AGAP1: variants seen among roughly 807,000 people sequenced by gnomAD.
The protein encoded by AGAP1 is arf-GAP with GTPase, ANK repeat and PH domain-containing protein 1.
In AGAP1, 29 loss-of-function variants were observed where a neutral mutation model predicts 105.3. The ratio of observed to expected loss-of-function variants is 0.28; its 90% CI spans 0.21 to 0.38. The LOEUF is 0.38. AGAP1 is among the 10% of genes least tolerant of loss of function. The pLI, the probability that AGAP1 is intolerant of heterozygous loss-of-function variation, is 1.00. For missense variants in AGAP1, 998 were observed against 1,165.1 expected, an observed-to-expected ratio of 0.86 and a Z score of 2.09; for synonymous variants, 509 against 485.9, an observed-to-expected ratio of 1.05 and a Z score of -0.63.
At chr2:235,802,166 G>A (rs1957525282) in intron 8 of AGAP1, among the ~76,000 whole-genome samples, 2 of 152,154 alleles carry the variant, frequency 1.3e-5, no homozygotes, top group African/African-American at 4.8e-5. Flanking sequence ...CCATGTTCAA[G>A]GGAAAGCGAT....
intron 9 of AGAP1, among the ~76,000 whole-genome samples, chr2:235,857,154 G>A (rs920933372): frequency 3.9e-5 from 6 of 152,148 alleles, no homozygotes; most frequent in African/African-American, 7.2e-5. Flanking sequence ...AGAGGTGAGC[G>A]GCGAGTGAGT....
intron 1 of AGAP1, among the ~76,000 whole-genome samples, chr2:235,530,094 A>C (rs1942989982): frequency 6.6e-6 from 1 of 152,130 alleles, no homozygotes; most frequent in Admixed American, 6.5e-5. Context: ...CCCAAAACTG[A>C]CAAGTCTCGT....
rs529604133 is a variant in AGAP1 at position 235,992,883 on chromosome 2, G to A, written c.1645+24260G>A. On this transcript the variant is annotated intron_variant, in intron 13 of 17. Transcript: ENST00000304032. This position sits in a 1 kb window ranked among gnomAD's most constrained non-coding sequence, Gnocchi z 4.8. ...GTTGAGCTTGTGTTGGCCTCTTTCC[G>A]TCGTGAACCATGGACGTCTCTCCTT... 7.2e-5 allele frequency among the ~76,000 whole-genome samples: 11 copies of A among 152,180 alleles called. 1 individual carries two copies. The highest frequency in any genetic ancestry group is 4.2e-4 in the South Asian group (2 of 4,814).
rs1247536353 is a variant in AGAP1, at chr2:235,591,047, G to A, written c.163+96198G>A. On this transcript the variant is annotated intron_variant, in intron 1 of 17. Transcript: ENST00000304032. ...ATTTTTAATTTTTTGAGACAGTCTCGCTCTGTTGCCCAGGCTGGAGTGCAG... is the reference window on the plus strand; with the variant it reads ...ATTTTTAATTTTTTGAGACAGTCTCACTCTGTTGCCCAGGCTGGAGTGCAG... Among the ~76,000 whole-genome samples, 44 of 151,582 alleles carry A rather than the reference G, an allele frequency of 2.9e-4. 1 individual carries two copies. The highest frequency in any genetic ancestry group is 2.8e-3 in the Admixed American group (42 of 15,208).
At chr2:235,516,867 C>T (rs568685827) in intron 1 of AGAP1, among the ~76,000 whole-genome samples, 2 of 152,200 alleles carry the variant, frequency 1.3e-5, no homozygotes, top group Non-Finnish European at 2.9e-5. Flanking sequence ...ACTGAACTTT[C>T]TTCTTTGGTT....
intron 1 of AGAP1, among the ~76,000 whole-genome samples, chr2:235,629,349 C>G (rs1238423400): frequency 6.7e-6 from 1 of 149,524 alleles, no homozygotes; most frequent in Non-Finnish European, 1.5e-5. Context: ...TCTTTATCCA[C>G]TTGTTGATTG....
At position 236,078,104 on chromosome 2, in the gene AGAP1, G is replaced by T. The variant is rs2058690159; in HGVS notation, c.2114+28823G>T. On this transcript the variant is annotated intron_variant, in intron 16 of 17. Coordinates refer to ENST00000304032, the MANE Select transcript of AGAP1 (RefSeq NM_001037131.3). This position sits in a 1 kb window ranked among gnomAD's most constrained non-coding sequence, Gnocchi z 5.3. ...TGAAGTGTGTAGGGCAGGCCAGCTG[G>T]TGTGTGTGTGCATGTGTGTAATCTG... Among the ~76,000 whole-genome samples the T allele has an allele frequency of 6.6e-6, 1 of 150,448 alleles. No homozygotes were observed. The highest frequency in any genetic ancestry group is 6.7e-5 in the Admixed American group (1 of 15,036).
chr2:235,685,306 G>T (rs532969971), intron 1 of AGAP1, among the ~76,000 whole-genome samples: 10 of 152,020 alleles, frequency 6.6e-5, no homozygotes, highest in Middle Eastern at 3.4e-3. Flanking sequence ...ACTCTTGGCA[G>T]TGCAGGCCTC....
chr2:235,650,380 T>C (rs1012227485), intron 1 of AGAP1, among the ~76,000 whole-genome samples: 1 of 150,258 alleles, frequency 6.7e-6, no homozygotes, highest in African/African-American at 2.5e-5. Flanking sequence ...TTCATTCATT[T>C]GTTTATTCAT....
intron 1 of AGAP1, among the ~76,000 whole-genome samples, chr2:235,605,910 C>A (rs566954426): frequency 6.6e-6 from 1 of 152,322 alleles, no homozygotes; most frequent in African/African-American, 2.4e-5. Flanking sequence ...GAACAGCACT[C>A]CGGTTGCTTA....
At chr2:235,496,430 G>T (rs967906581) in intron 1 of AGAP1, among the ~76,000 whole-genome samples, 9 of 152,212 alleles carry the variant, frequency 5.9e-5, no homozygotes, top group African/African-American at 1.9e-4. Flanking sequence ...ATGATCAGGT[G>T]GTGTTGCAGC....
intron 1 of AGAP1, chr2:235,506,975 G>C (rs1941845095): frequency 6.5e-6 from 1 of 153,032 alleles, no homozygotes; most frequent in Admixed American, 6.5e-5. Context: ...GAGGGAGCTG[G>C]AGTGGCCGCT....
At chr2:235,833,470 T>C (rs1448979342) in intron 9 of AGAP1, among the ~76,000 whole-genome samples, 1 of 152,132 alleles carries the variant, frequency 6.6e-6, no homozygotes, top group Non-Finnish European at 1.5e-5. Context: ...GTTCACTCTC[T>C]CTGAAACACC....
At chr2:235,986,934 T>C (rs936013120) in intron 13 of AGAP1, among the ~76,000 whole-genome samples, 3 of 152,140 alleles carry the variant, frequency 2.0e-5, no homozygotes, top group African/African-American at 7.2e-5. Flanking sequence ...TGAAGTTTTC[T>C]TTTTTTGTTG....
intron 1 of AGAP1, among the ~76,000 whole-genome samples, chr2:235,618,788 TAAC>T (rs1350948377): frequency 6.6e-6 from 1 of 152,180 alleles, no homozygotes; most frequent in Non-Finnish European, 1.5e-5. Flanking sequence ...GTAGACGTAA[TAAC>T]GGCCCCCAAA....
intron 1 of AGAP1, among the ~76,000 whole-genome samples, chr2:235,597,063 T>C (rs918452279): frequency 6.6e-6 from 1 of 152,186 alleles, no homozygotes; most frequent in Non-Finnish European, 1.5e-5. Context: ...GTCTTTGTGA[T>C]AGCAGCCCCA....
Position 235,842,415 on chromosome 2 carries a change from T to A in AGAP1, c.1050+35084T>A, listed in dbSNP as rs78886838. Among the ~76,000 whole-genome samples, 195 of 152,310 alleles carry A rather than the reference T, an allele frequency of 1.3e-3. No individual in the cohort carries two copies. Among genetic ancestry groups the A allele is most frequent in the African/African-American group, 4.4e-3 (184 of 41,550 alleles). On this transcript the variant is annotated intron_variant, in intron 9 of 17. Transcript: ENST00000304032. The surrounding 1 kb of genome is among the most constrained non-coding windows in gnomAD (Gnocchi z 5.3). ...AGCGCATTGCCGTTGTCCCAGATAA[T>A]TGAATAGGTTGTTTTCTCTGGTCAC...
chr2:235,555,847 G>T lies in AGAP1; in HGVS notation c.163+60998G>T, dbSNP rs1019282781. On this transcript the variant is annotated intron_variant, in intron 1 of 17. Transcript: ENST00000304032. This position sits in a 1 kb window ranked among gnomAD's most constrained non-coding sequence, Gnocchi z 5.1. Reference sequence around the variant, plus strand: ...TTCGGGGTCATGCCATGTGTGTGAGGCCTGAGTTTGCAGGTTTGTGCAGGG... The same window carrying T: ...TTCGGGGTCATGCCATGTGTGTGAGTCCTGAGTTTGCAGGTTTGTGCAGGG... Among the ~76,000 whole-genome samples the T allele has an allele frequency of 6.6e-6, 1 of 152,188 alleles. No individual in the cohort carries two copies. The highest frequency in any genetic ancestry group is 1.5e-5 in the Non-Finnish European group (1 of 68,038).
At chr2:236,116,731 C>A (rs544682585) in intron 16 of AGAP1, among the ~76,000 whole-genome samples, 5 of 152,062 alleles carry the variant, frequency 3.3e-5, no homozygotes, top group African/African-American at 1.2e-4. Flanking sequence ...TATTTGTAGT[C>A]TTTTATCCCT....
Sources: gnomAD v4.1 joint callset for allele counts (sites outside exome capture counted in the v4.1 genomes callset) on GRCh38, gnomAD v4.1.1 for gene constraint, Gnocchi (gnomAD v3.1) non-coding constraint, MANE v1.5 for transcripts, NCBI Gene and HGNC (gene_info 2026-07-23, HGNC 2026-07-21) for gene names.